NDST3: variants seen among roughly 807,000 people sequenced by gnomAD.
NDST3 encodes N-deacetylase and N-sulfotransferase 3.
NDST3 carries 58 observed loss-of-function variants against 96.1 expected under a neutral mutation model. That is an observed-to-expected ratio of 0.60 (90% CI 0.49 to 0.75). NDST3 has a LOEUF of 0.75. NDST3 is among the 30% of genes least tolerant of loss of function. The pLI, the probability that NDST3 is intolerant of heterozygous loss-of-function variation, is 0.00. For missense variants in NDST3, 788 were observed against 1,034.2 expected, an observed-to-expected ratio of 0.76 and a Z score of 3.27; for synonymous variants, 333 against 359.7, an observed-to-expected ratio of 0.93 and a Z score of 0.84.
intron 2 of NDST3, among the ~76,000 whole-genome samples, chr4:118,092,076 A>ATTTATTTAT (rs1246729093): frequency 6.7e-6 from 1 of 149,710 alleles, no homozygotes; most frequent in Non-Finnish European, 1.5e-5. Flanking sequence ...TTATTTATTT[A>ATTTATTTAT]TTATATTTTA....
chr4:118,253,390 A>G, intron 12 of NDST3, 109 bp from the exon 13 acceptor site: 1 of 599,760 alleles, frequency 1.7e-6, no homozygotes, highest in Non-Finnish European at 2.9e-6. Context: ...TTATCCAAAT[A>G]AAATATTTAT....
intron 2 of NDST3, among the ~76,000 whole-genome samples, chr4:118,083,373 T>C (rs1728170145): frequency 6.6e-6 from 1 of 152,190 alleles, no homozygotes; most frequent in Non-Finnish European, 1.5e-5. Context: ...GAAATAAATA[T>C]AATACTTAAT....
intron 2 of NDST3, among the ~76,000 whole-genome samples, chr4:118,086,431 CT>C (rs1728422785): frequency 6.6e-6 from 1 of 152,008 alleles, no homozygotes; most frequent in Non-Finnish European, 1.5e-5. Flanking sequence ...TTCAGTACCC[CT>C]AACATCTTAA....
intron 6 of NDST3, among the ~76,000 whole-genome samples, chr4:118,177,483 C>T (rs1025301547): frequency 6.6e-6 from 1 of 151,994 alleles, no homozygotes; most frequent in Non-Finnish European, 1.5e-5. Context: ...ATTTAAAATG[C>T]TCTTTTATCC....
At chr4:118,056,364 G>A (rs974279781) in intron 2 of NDST3, among the ~76,000 whole-genome samples, 1 of 151,782 alleles carries the variant, frequency 6.6e-6, no homozygotes, top group Non-Finnish European at 1.5e-5. Flanking sequence ...CAGTTTTCAG[G>A]GGTATGAAAA....
At chr4:118,135,276 G>C (rs1732981198) in intron 4 of NDST3, among the ~76,000 whole-genome samples, 1 of 152,112 alleles carries the variant, frequency 6.6e-6, no homozygotes. Flanking sequence ...AGGGGTAGTG[G>C]GGTAGAAGTC....
chr4:118,119,825 G>A (rs1418738980), intron 4 of NDST3, among the ~76,000 whole-genome samples: 1 of 151,978 alleles, frequency 6.6e-6, no homozygotes, highest in Non-Finnish European at 1.5e-5. Context: ...CATTACTCAG[G>A]AACTAAAGGG....
At chr4:118,097,426 CATAA>C in intron 2 of NDST3, among the ~76,000 whole-genome samples, 1 of 151,992 alleles carries the variant, frequency 6.6e-6, no homozygotes, top group East Asian at 1.9e-4. Context: ...AAAAACAACT[CATAA>C]ATAAATAAAT....
chr4:118,054,383 G>A lies in NDST3; in HGVS notation c.473G>A (p.Gly158Asp), dbSNP rs1170604125. The change falls in exon 2 of 14, where the codon GGT (glycine) becomes GAT (aspartate). Residue 158 changes from glycine (G) to aspartate (D), a missense_variant. This residue lies in a region of NDST3 where 234 missense variants were observed against 256.9 expected (regional missense o/e 0.91). Coordinates refer to ENST00000296499, the MANE Select transcript of NDST3 (RefSeq NM_004784.3). Reference sequence around the variant, plus strand: ...CTAGATAAATACTGTGTAGAATATGGTGTGGGTGTCATTGGATTCCACAAA... The same window carrying A: ...CTAGATAAATACTGTGTAGAATATGATGTGGGTGTCATTGGATTCCACAAA... ...SLLDKYCVEYGVGVIGFHKTS... is the reference protein window; with the variant it reads ...SLLDKYCVEYDVGVIGFHKTS... 1 of 1,612,870 alleles carries A rather than the reference G, an allele frequency of 6.2e-7. No individual in the cohort carries two copies. The highest frequency in any genetic ancestry group is 1.3e-5 in the African/African-American group (1 of 74,842).
At chr4:118,079,192 A>G (rs1727817655) in intron 2 of NDST3, among the ~76,000 whole-genome samples, 1 of 152,198 alleles carries the variant, frequency 6.6e-6, no homozygotes, top group Non-Finnish European at 1.5e-5. Context: ...CTGGTTACAT[A>G]TATCTTACCT....
chr4:118,058,978 T>C lies in NDST3; in HGVS notation c.981+4087T>C, dbSNP rs978722914. ...ACATCTGAGAAGTCAAATGAGAAGA[T>C]TCTGGAGAAGGTGGTCTTTCAGGGT... On this transcript the variant is annotated intron_variant, in intron 2 of 13. Transcript: ENST00000296499. Among the ~76,000 whole-genome samples the C allele has an allele frequency of 5.9e-5, 9 of 152,180 alleles. No individual in the cohort carries two copies. The East Asian group carries it at 1.7e-3, about 29-fold the overall frequency.
At chr4:118,218,279 C>T (rs1739317555) in intron 6 of NDST3, among the ~76,000 whole-genome samples, 1 of 151,944 alleles carries the variant, frequency 6.6e-6, no homozygotes, top group African/African-American at 2.4e-5. Context: ...TGAACATCGA[C>T]ATGAAAATCC....
chr4:118,163,054 C>A (rs1243476188), intron 6 of NDST3, among the ~76,000 whole-genome samples: 1 of 152,126 alleles, frequency 6.6e-6, no homozygotes, highest in East Asian at 1.9e-4. Context: ...CAATGAGATA[C>A]CATCTCACAC....
At chr4:118,073,819 A>T (rs955787403) in intron 2 of NDST3, among the ~76,000 whole-genome samples, 2 of 151,632 alleles carry the variant, frequency 1.3e-5, no homozygotes, top group Non-Finnish European at 2.9e-5. Flanking sequence ...TTGTTTTTCC[A>T]GTTCATCTAG....
At chr4:118,148,310 C>T (rs1470872491) in intron 6 of NDST3, among the ~76,000 whole-genome samples, 3 of 152,020 alleles carry the variant, frequency 2.0e-5, no homozygotes, top group South Asian at 2.1e-4. Context: ...AAAAAATGCG[C>T]GCCAATACTA....
chr4:118,104,686 A>G (rs1730026400), intron 2 of NDST3, among the ~76,000 whole-genome samples: 1 of 152,130 alleles, frequency 6.6e-6, no homozygotes, highest in South Asian at 2.1e-4. Context: ...TTGGTGATCT[A>G]TATGCCTGAA....
intron 4 of NDST3, among the ~76,000 whole-genome samples, chr4:118,128,621 C>T (rs1182688112): frequency 6.6e-6 from 1 of 151,968 alleles, no homozygotes; most frequent in Non-Finnish European, 1.5e-5. Context: ...CATCAGGATT[C>T]ATCACAGATG....
chr4:118,190,092 G>C (rs538097312), intron 6 of NDST3, among the ~76,000 whole-genome samples: 1 of 151,276 alleles, frequency 6.6e-6, no homozygotes, highest in South Asian at 2.1e-4. Flanking sequence ...TCTTGCTTTT[G>C]TTTATACATT....
At chr4:118,071,028 T>A (rs1227295931) in intron 2 of NDST3, among the ~76,000 whole-genome samples, 2 of 152,068 alleles carry the variant, frequency 1.3e-5, no homozygotes, top group Non-Finnish European at 2.9e-5. Context: ...TCCAGCTTCA[T>A]CCATGTCCCT....
Sources: gnomAD v4.1 joint callset for allele counts (sites outside exome capture counted in the v4.1 genomes callset) on GRCh38, gnomAD v4.1.1 for gene constraint, gnomAD v4.1.1 regional missense constraint, MANE v1.5 for transcripts, NCBI Gene and HGNC (gene_info 2026-07-23, HGNC 2026-07-21) for gene names.